Variants in ZSCAN25 observed in about 807,000 individuals in gnomAD.
ZSCAN25 encodes zinc finger and SCAN domain-containing protein 25.
Under a neutral mutation model 38.7 loss-of-function variants are expected in ZSCAN25, and 27 were observed. The observed-to-expected ratio is 0.70, with a 90% CI of 0.51 to 0.96. ZSCAN25 has a LOEUF of 0.96. Ranked by LOEUF, ZSCAN25 falls within the 40% of genes least tolerant of loss-of-function variation. ZSCAN25 has a pLI of 0.00. For missense variants in ZSCAN25, 637 were observed against 705.9 expected (o/e 0.90, Z 1.11); for synonymous variants, 273 against 277.7 (o/e 0.98, Z 0.17).
At position 99,631,015 on chromosome 7, in the gene ZSCAN25, A is replaced by G. The variant is rs1053427231; in HGVS notation, c.*995A>G. The G allele has an allele frequency of 1.0e-6, 1 of 956,308 alleles. No homozygotes were observed. Among genetic ancestry groups the G allele is most frequent in the African/African-American group, 1.8e-5 (1 of 56,624 alleles). The allele number at this position is 956,308 out of a possible 1,614,324, so 59.2% of individuals were successfully genotyped here. On this transcript the variant is annotated 3_prime_UTR_variant, in exon 8 of 8. Coordinates refer to ENST00000394152, the MANE Select transcript of ZSCAN25 (RefSeq NM_145115.3). ...AAGTATTTATTGAGGCCCTGTAACA[A>G]ACATGTCAGGAACTCTTCTGGGTGC...
the ZSCAN25 span, among the ~76,000 whole-genome samples, chr7:99,693,313 T>G: frequency 2.0e-5 from 3 of 152,172 alleles, no homozygotes; most frequent in Non-Finnish European, 2.9e-5. Context: ...TCTGTCGGCC[T>G]CTACTGGAAA....
the ZSCAN25 span, chr7:99,650,112 G>T: frequency 1.2e-6 from 2 of 1,614,122 alleles, no homozygotes; most frequent in South Asian, 1.1e-5. Context: ...AGTTCTGAAG[G>T]ACTCTGATTA....
chr7:99,690,511 C>A, the ZSCAN25 span, among the ~76,000 whole-genome samples: 2 of 152,220 alleles, frequency 1.3e-5, no homozygotes, highest in East Asian at 3.9e-4. Flanking sequence ...GAACAGGCAA[C>A]CTACAGAATG....
At chr7:99,679,573 C>A in the ZSCAN25 span, among the ~76,000 whole-genome samples, 1 of 152,184 alleles carries the variant, frequency 6.6e-6, no homozygotes, top group African/African-American at 2.4e-5. Flanking sequence ...CTAATCAAAT[C>A]ATTCCCACTA....
At chr7:99,703,156 T>C in the ZSCAN25 span, among the ~76,000 whole-genome samples, 1 of 152,234 alleles carries the variant, frequency 6.6e-6, no homozygotes. Flanking sequence ...GTGGAGTCTT[T>C]AGGTTTTTGC....
chr7:99,682,692 T>C, the ZSCAN25 span, among the ~76,000 whole-genome samples: 1 of 152,104 alleles, frequency 6.6e-6, no homozygotes, highest in African/African-American at 2.4e-5. Context: ...AGAGACTGCA[T>C]TGAATCTGTG....
the ZSCAN25 span, among the ~76,000 whole-genome samples, chr7:99,719,850 TAG>T: frequency 2.6e-5 from 4 of 151,974 alleles, no homozygotes; most frequent in South Asian, 8.3e-4. Flanking sequence ...ATACAAAAAT[TAG>T]TAGGGCGTGG....
At chr7:99,657,047 AT>A in the ZSCAN25 span, among the ~76,000 whole-genome samples, 4 of 151,808 alleles carry the variant, frequency 2.6e-5, no homozygotes, top group African/African-American at 4.8e-5. Context: ...GGATTCATTG[AT>A]TTTTTTGAAG....
At chr7:99,685,334 A>G in the ZSCAN25 span, 2 of 1,482,950 alleles carry the variant, frequency 1.3e-6, no homozygotes, top group South Asian at 1.1e-5. Flanking sequence ...GACTATGCAC[A>G]TAGTTTGTGA....
rs1382304709 is a variant in ZSCAN25, at chr7:99,630,075, C to T, written c.*55C>T. 75 of 1,461,270 alleles carry T rather than the reference C, an allele frequency of 5.1e-5. No homozygotes were observed. Among genetic ancestry groups the T allele is most frequent in the Non-Finnish European group, 6.5e-5 (72 of 1,106,306 alleles). 90.5% of individuals were successfully genotyped at this position (1,461,270 alleles called of 1,614,324 possible). A position where few individuals can be genotyped will look rare whatever the true frequency, so the allele number is the denominator to read the frequency against. On this transcript the variant is annotated 3_prime_UTR_variant, in exon 8 of 8. Transcript: ENST00000394152. ...TCATCTTTCTCACTGCAGGGCCTTG[C>T]GGGGTGCAAGGTGATGGCTGCAGGA... is the stretch of plus-strand genomic sequence containing the variant.
At chr7:99,730,825 G>A in the ZSCAN25 span, 1 of 507,044 alleles carries the variant, frequency 2.0e-6, no homozygotes, top group African/African-American at 1.9e-5. Context: ...GTGAACATCA[G>A]ATTGCTGGAT....
At chr7:99,731,214 G>A in the ZSCAN25 span, 2 of 1,590,620 alleles carry the variant, frequency 1.3e-6, no homozygotes, top group South Asian at 1.1e-5. Flanking sequence ...AGGGGCTGGT[G>A]AGTCACTGAC....
At chr7:99,678,379 C>T in the ZSCAN25 span, among the ~76,000 whole-genome samples, 3 of 152,338 alleles carry the variant, frequency 2.0e-5, no homozygotes, top group Admixed American at 2.0e-4. Flanking sequence ...GAAGCCTTTG[C>T]TATCGTCACT....
At chr7:99,677,696 C>CA in the ZSCAN25 span, among the ~76,000 whole-genome samples, 1 of 152,208 alleles carries the variant, frequency 6.6e-6, no homozygotes, top group Non-Finnish European at 1.5e-5. Context: ...GTTCCCTGCC[C>CA]CAGAACAGTT....
At chr7:99,689,525 A>G in the ZSCAN25 span, among the ~76,000 whole-genome samples, 31 of 152,132 alleles carry the variant, frequency 2.0e-4, no homozygotes, top group African/African-American at 5.8e-4. Flanking sequence ...GCAATAATCA[A>G]TAGCTTACCA....
the ZSCAN25 span, among the ~76,000 whole-genome samples, chr7:99,702,048 G>A: frequency 7.5e-4 from 111 of 148,310 alleles, no homozygotes; most frequent in African/African-American, 2.5e-3. Flanking sequence ...TTTCCACAAT[G>A]TTTCCTGTAG....
chr7:99,655,707 A>G, the ZSCAN25 span, among the ~76,000 whole-genome samples: 1 of 152,198 alleles, frequency 6.6e-6, no homozygotes, highest in Non-Finnish European at 1.5e-5. Context: ...CTTCCTACCC[A>G]TGAGCATGGA....
At chr7:99,712,023 G>A in the ZSCAN25 span, among the ~76,000 whole-genome samples, 1 of 152,192 alleles carries the variant, frequency 6.6e-6, no homozygotes, top group Non-Finnish European at 1.5e-5. Flanking sequence ...GTGATTGATT[G>A]CAGTCTGATG....
chr7:99,647,122 C>T, the ZSCAN25 span, among the ~76,000 whole-genome samples: 1 of 152,234 alleles, frequency 6.6e-6, no homozygotes, highest in African/African-American at 2.4e-5. Context: ...TCCCTTCCCA[C>T]TCAGGGATAC....
Sources: gnomAD v4.1 joint callset for allele counts (sites outside exome capture counted in the v4.1 genomes callset) on GRCh38, gnomAD v4.1.1 for gene constraint, MANE v1.5 for transcripts, NCBI Gene and HGNC (gene_info 2026-07-23, HGNC 2026-07-21) for gene names.